The following ASB4 variants were observed in gnomAD, a reference collection of about 807,000 sequenced individuals.
ASB4 encodes the protein ankyrin repeat and SOCS box protein 4.
A neutral mutation model predicts 38.6 loss-of-function variants in ASB4; 35 were observed. That is an observed-to-expected ratio of 0.91 (90% CI 0.69 to 1.20). The LOEUF (loss-of-function observed/expected upper bound fraction) is 1.20, where lower values mean the gene tolerates loss of function less well. Among genes scored for constraint, ASB4 ranks in the 50% most tolerant of loss-of-function variants. The pLI, the probability that ASB4 is intolerant of heterozygous loss-of-function variation, is 0.00. For synonymous variants in ASB4, 195 were observed against 201.3 expected, an observed-to-expected ratio of 0.97 and a Z score of 0.26; for missense variants, 557 against 527.2, an observed-to-expected ratio of 1.06 and a Z score of -0.55.
At chr7:95,487,482 G>C (rs770047821) in intron 1 of ASB4, among the ~76,000 whole-genome samples, 1 of 152,144 alleles carries the variant, frequency 6.6e-6, no homozygotes, top group Non-Finnish European at 1.5e-5. Context: ...CAGTGGGTAA[G>C]TTATTTGACC....
rs745924253 is a variant in ASB4, at chr7:95,532,768, A to G, written c.979-3669A>G. 4.6e-5 allele frequency among the ~76,000 whole-genome samples: 7 copies of G among 152,180 alleles called. 1 individual carries two copies. In the South Asian group the frequency reaches 1.5e-3, roughly 32 times the overall value. ...ATGCTTTTGGGGGTTGGATGGTGAG[A>G]TGAGGTGTCTAAATCTCTCTTCAGT... On this transcript the variant is annotated intron_variant, in intron 3 of 4. Coordinates refer to ENST00000325885, the MANE Select transcript of ASB4 (RefSeq NM_016116.3).
intron 1 of ASB4, among the ~76,000 whole-genome samples, chr7:95,479,429 T>C (rs1790005348): frequency 2.0e-5 from 3 of 152,194 alleles, no homozygotes; most frequent in Admixed American, 6.5e-5. Context: ...AATAGTATGC[T>C]TAGTCCACAG....
chr7:95,513,293 ATGTGTGTGTGTGTGTG>A (rs3046862), intron 2 of ASB4, among the ~76,000 whole-genome samples: 1,092 of 89,184 alleles, frequency 0.012, 30 homozygotes, highest in Admixed American at 0.051. Flanking sequence ...AGCCAATAGA[ATGTGTGTGTGTGTGTG>A]TGTGTGTGTG....
At position 95,515,297 on chromosome 7, in the gene ASB4, CT is replaced by C. The variant is rs1562817256; in HGVS notation, c.488-12513del. ...TCTTTCTTTCTTTCTTTCTTTCTTT[CT>C]TTCTTTCTTTCTTTCTTTCTTCCTT... On this transcript the variant is annotated intron_variant, in intron 2 of 4. Coordinates refer to ENST00000325885, the MANE Select transcript of ASB4 (RefSeq NM_016116.3). Among the ~76,000 whole-genome samples, 198 of 120,080 alleles carry C rather than the reference CT, an allele frequency of 1.6e-3. 1 individual carries two copies. The highest frequency in any genetic ancestry group is 3.3e-3 in the African/African-American group (110 of 33,076). 78.8% of individuals were successfully genotyped at this position (120,080 alleles called of 152,430 possible).
intron 3 of ASB4, among the ~76,000 whole-genome samples, chr7:95,534,680 G>A (rs951807106): frequency 2.0e-5 from 3 of 152,052 alleles, no homozygotes; most frequent in Non-Finnish European, 2.9e-5. Flanking sequence ...TGATCTTTAT[G>A]TTAGTCTTTT....
upstream of ASB4, among the ~76,000 whole-genome samples, chr7:95,481,827 C>A (rs1304032248): frequency 6.6e-6 from 1 of 152,152 alleles, no homozygotes; most frequent in Non-Finnish European, 1.5e-5. Context: ...ATTTCAAGAG[C>A]AAAGGACACT....
chr7:95,521,117 C>A (rs1292469641), intron 2 of ASB4, among the ~76,000 whole-genome samples: 2 of 152,056 alleles, frequency 1.3e-5, no homozygotes, highest in Non-Finnish European at 2.9e-5. Context: ...GTAAAACTTT[C>A]CATTTATTGA....
At chr7:95,545,342 T>C in the ASB4 span, among the ~76,000 whole-genome samples, 1 of 152,218 alleles carries the variant, frequency 6.6e-6, no homozygotes, top group Non-Finnish European at 1.5e-5. Flanking sequence ...AGAATTTTGC[T>C]CTTGCCTTCA....
the ASB4 span, among the ~76,000 whole-genome samples, chr7:95,549,917 T>C: frequency 6.6e-6 from 1 of 152,162 alleles, no homozygotes; most frequent in Non-Finnish European, 1.5e-5. Flanking sequence ...AGCTCCAAGA[T>C]GGCAGCAAGG....
intron 3 of ASB4, among the ~76,000 whole-genome samples, chr7:95,530,104 G>GAA (rs1790798111): frequency 2.4e-5 from 1 of 41,124 alleles, no homozygotes; most frequent in Non-Finnish European, 5.2e-5. Context: ...AAAAAGCAGG[G>GAA]CAAAAAAAAA....
At chr7:95,527,408 T>A (rs1022277982) in intron 2 of ASB4, among the ~76,000 whole-genome samples, 2 of 152,242 alleles carry the variant, frequency 1.3e-5, no homozygotes, top group African/African-American at 4.8e-5. Flanking sequence ...AGTTGATTTT[T>A]AAAGAGTCAA....
chr7:95,482,074 G>A (rs1351938187), upstream of ASB4, among the ~76,000 whole-genome samples: 5 of 152,188 alleles, frequency 3.3e-5, no homozygotes, highest in African/African-American at 1.2e-4. Flanking sequence ...GAAGGACTTT[G>A]ATGGGCAATT....
At chr7:95,531,925 C>T (rs907272286) in intron 3 of ASB4, among the ~76,000 whole-genome samples, 6 of 152,106 alleles carry the variant, frequency 3.9e-5, no homozygotes, top group Admixed American at 2.0e-4. Flanking sequence ...TTGTTTTGCT[C>T]CTTTGAGTTC....
At chr7:95,487,984 C>T (rs142827039) in intron 1 of ASB4, among the ~76,000 whole-genome samples, 1 of 152,292 alleles carries the variant, frequency 6.6e-6, no homozygotes, top group Non-Finnish European at 1.5e-5. Flanking sequence ...CTGTTTAATA[C>T]GCACATGGGC....
Position 95,495,914 on chromosome 7 carries a change from G to T in ASB4, c.344G>T (p.Cys115Phe). Reference protein sequence around the residue: ...PNGKTPLHVACEMANVDCVKI... With the variant: ...PNGKTPLHVAFEMANVDCVKI... ...GGGAAAACCCCTCTTCACGTGGCTT[G>T]TGAAATGGCCAATGTGGATTGTGTT... Residue 115 changes from cysteine (C) to phenylalanine (F), a missense_variant, in exon 2 of 5, where the codon TGT (cysteine) becomes TTT (phenylalanine). By Grantham distance (205) the Cys-to-Phe change is radical (BLOSUM62 -2). Transcript: ENST00000325885. The T allele has an allele frequency of 6.2e-7, 1 of 1,614,142 alleles. No individual in the cohort carries two copies.
intron 2 of ASB4, chr7:95,496,304 C>T (rs1427368624): frequency 2.5e-6 from 1 of 406,294 alleles, no homozygotes; most frequent in Non-Finnish European, 4.4e-6. Context: ...ATTTATTTAG[C>T]TCCTATTATG....
downstream of ASB4, chr7:95,542,298 C>G (rs1790981295): frequency 6.6e-6 from 1 of 152,098 alleles, no homozygotes; most frequent in South Asian, 2.1e-4. Flanking sequence ...CCATTTGGTT[C>G]ATCAGAAAGG....
chr7:95,493,381 T>C (rs1038672969), intron 1 of ASB4, among the ~76,000 whole-genome samples: 1 of 106,182 alleles, frequency 9.4e-6, no homozygotes, highest in African/African-American at 3.4e-5. Flanking sequence ...TGTGTGTGTG[T>C]GTGTGTGTGT....
At chr7:95,526,850 AT>A (rs988211497) in intron 2 of ASB4, among the ~76,000 whole-genome samples, 3 of 152,252 alleles carry the variant, frequency 2.0e-5, no homozygotes, top group Non-Finnish European at 4.4e-5. Flanking sequence ...CCTAAGGGTC[AT>A]TTGGTTCACC....
Sources: allele counts gnomAD v4.1 joint callset (sites outside exome capture counted in the v4.1 genomes callset), GRCh38; gene constraint gnomAD v4.1.1; transcripts MANE v1.5; gene names NCBI Gene and HGNC (gene_info 2026-07-23, HGNC 2026-07-21).